The following MAT2B variants were observed in gnomAD, a reference collection of about 807,000 sequenced individuals.
MAT2B encodes methionine adenosyltransferase 2 subunit beta.
MAT2B carries 16 observed loss-of-function variants against 36.1 expected under a neutral mutation model. That is an observed-to-expected ratio of 0.44 (90% confidence interval 0.30 to 0.67). The LOEUF (loss-of-function observed/expected upper bound fraction) is 0.67. Ranked by LOEUF, MAT2B falls within the 30% of genes least tolerant of loss-of-function variation. The pLI, the probability that MAT2B is intolerant of heterozygous loss-of-function variation, is 0.09. For missense variants in MAT2B, 332 were observed against 398.2 expected, an observed-to-expected ratio of 0.83 and a Z score of 1.42; for synonymous variants, 148 against 136.9, an observed-to-expected ratio of 1.08 and a Z score of -0.57.
chr5:163,510,732 A>C (rs927980075), intron 1 of MAT2B, among the ~76,000 whole-genome samples: 3 of 152,160 alleles, frequency 2.0e-5, no homozygotes, highest in Non-Finnish European at 4.4e-5. Flanking sequence ...ATTTTGGGTT[A>C]ACTAAGGAAC....
intron 1 of MAT2B, among the ~76,000 whole-genome samples, chr5:163,508,034 G>T (rs1464746012): frequency 6.6e-6 from 1 of 152,136 alleles, no homozygotes; most frequent in African/African-American, 2.4e-5. Flanking sequence ...ACACCAATTT[G>T]TGGCAGAACA....
chr5:163,516,513 T>C lies in MAT2B; in HGVS notation c.527-5T>C. The stretch of plus-strand genomic sequence containing the variant: ...TTTAAATTATTTGCTTTTATTCTTC[T>C]CTAGGAGCTGCTGTTTTGAGGATTC... On this transcript the variant is annotated splice_region_variant and splice_polypyrimidine_tract_variant and intron_variant, in intron 4 of 6. Transcript: ENST00000321757. 1 of 1,612,892 alleles carries C rather than the reference T, an allele frequency of 6.2e-7. No homozygotes were observed. Among genetic ancestry groups the C allele is most frequent in the Non-Finnish European group, 8.5e-7 (1 of 1,178,874 alleles).
At chr5:163,514,283 T>A (rs1474656482) in intron 4 of MAT2B, among the ~76,000 whole-genome samples, 2 of 152,236 alleles carry the variant, frequency 1.3e-5, no homozygotes, top group Non-Finnish European at 2.9e-5. Flanking sequence ...CAGTATAATT[T>A]CTCTTAGAGT....
rs368385582 is a variant in MAT2B, at chr5:163,516,515, T to C, written c.527-3T>C. ...TAAATTATTTGCTTTTATTCTTCTC[T>C]AGGAGCTGCTGTTTTGAGGATTCCT... is the stretch of plus-strand genomic sequence containing the variant. On this transcript the variant is annotated splice_region_variant and splice_polypyrimidine_tract_variant and intron_variant, in intron 4 of 6. Transcript: ENST00000321757. 3.3e-5 allele frequency: 53 copies of C among 1,613,028 alleles called. No individual in the cohort carries two copies. Among genetic ancestry groups the C allele is most frequent in the Non-Finnish European group, 4.5e-5 (53 of 1,179,104 alleles).
intron 1 of MAT2B, among the ~76,000 whole-genome samples, chr5:163,506,031 G>A (rs1759931656): frequency 6.6e-6 from 1 of 152,174 alleles, no homozygotes; most frequent in Non-Finnish European, 1.5e-5. Context: ...TGAGGACGAA[G>A]AGGTTTTTCA....
chr5:163,513,540 A>G lies in MAT2B; in HGVS notation c.259-15A>G. On this transcript the variant is annotated splice_polypyrimidine_tract_variant and intron_variant, in intron 2 of 6. Coordinates refer to ENST00000321757, the MANE Select transcript of MAT2B (RefSeq NM_013283.5). ...TTTATTTTGAGTTAAAAATACGTCAATGCTTAACTTCTAGCCCCATGTTAT... is the reference window on the plus strand; with the variant it reads ...TTTATTTTGAGTTAAAAATACGTCAGTGCTTAACTTCTAGCCCCATGTTAT... 4 of 1,454,206 alleles carry G rather than the reference A, an allele frequency of 2.8e-6. No homozygotes were observed. The highest frequency in any genetic ancestry group is 3.8e-6 in the Non-Finnish European group (4 of 1,043,890). The allele number at this position is 1,454,206 out of a possible 1,614,324, so 90.1% of individuals were successfully genotyped here. A position where few individuals can be genotyped will look rare whatever the true frequency, so the allele number is the denominator to read the frequency against.
intron 1 of MAT2B, among the ~76,000 whole-genome samples, chr5:163,505,957 T>G (rs1759929665): frequency 1.3e-5 from 2 of 152,186 alleles, no homozygotes; most frequent in Admixed American, 1.3e-4. Flanking sequence ...TGTTTTTTTC[T>G]TCCAGCCACT....
At chr5:163,507,361 G>A (rs932293819) in intron 1 of MAT2B, among the ~76,000 whole-genome samples, 7 of 152,134 alleles carry the variant, frequency 4.6e-5, no homozygotes, top group African/African-American at 1.7e-4. Flanking sequence ...GATTAGATAC[G>A]ATAATAAGAA....
intron 1 of MAT2B, 123 bp downstream of exon 1, chr5:163,505,872 C>A: frequency 1.4e-6 from 1 of 689,876 alleles, no homozygotes. Flanking sequence ...CGGGAGTGGT[C>A]TCACCGCCAC....
At chr5:163,503,336 A>T (rs557882129), upstream of MAT2B, 5 of 1,539,588 alleles carry the variant, frequency 3.2e-6, no homozygotes, top group Admixed American at 8.4e-5. Flanking sequence ...AGACCCAGCA[A>T]GAGAAGGCAG....
rs1336335935 is a variant in MAT2B, at chr5:163,516,727, GA to G, written c.720+17del. ...GAGAATGCTGGTAAGAAGGATTCCT[GA>G]GTCCTGTCTTAGCGAAGGTCCGCTT... On this transcript the variant is annotated intron_variant, in intron 5 of 6. Transcript: ENST00000321757. 3.1e-6 allele frequency: 5 copies of G among 1,613,764 alleles called. No individual in the cohort carries two copies. Among genetic ancestry groups the G allele is most frequent in the Non-Finnish European group, 4.2e-6 (5 of 1,179,804 alleles).
intron 1 of MAT2B, among the ~76,000 whole-genome samples, chr5:163,507,487 G>A (rs1409263986): frequency 2.0e-5 from 3 of 152,150 alleles, no homozygotes; most frequent in African/African-American, 7.2e-5. Flanking sequence ...AGGCAGATAC[G>A]TTTAGAGTAA....
At chr5:163,511,674 CTTTT>C in intron 1 of MAT2B, among the ~76,000 whole-genome samples, 1 of 151,580 alleles carries the variant, frequency 6.6e-6, no homozygotes, top group East Asian at 1.9e-4. Flanking sequence ...GTGTTTTCTG[CTTTT>C]TTTATTTTAA....
chr5:163,516,929 T>G (rs1760142639), intron 5 of MAT2B: 2 of 592,118 alleles, frequency 3.4e-6, no homozygotes, highest in Admixed American at 6.1e-5. Flanking sequence ...GTACTATAGA[T>G]CCCATCATTT....
Position 163,517,684 on chromosome 5 carries a change from T to G in MAT2B, c.834+10T>G. ...CAGTCACTTAAGACCTGTAAGTACA[T>G]GGCTGTAAAAACCTTTAGATCCATT... On this transcript the variant is annotated intron_variant, in intron 6 of 6. Transcript: ENST00000321757. 1 of 1,563,572 alleles carries G rather than the reference T, an allele frequency of 6.4e-7. No homozygotes were observed. The highest frequency in any genetic ancestry group is 8.8e-7 in the Non-Finnish European group (1 of 1,134,130).
At chr5:163,514,088 A>T (rs1760093084) in intron 4 of MAT2B, 94 bp downstream of exon 4, 2 of 989,792 alleles carry the variant, frequency 2.0e-6, no homozygotes, top group African/African-American at 3.4e-5. Flanking sequence ...TAAAAAGTCA[A>T]TGAATATGAA....
In MAT2B at chr5:163,516,541, A is replaced by G. The variant is rs1016721627; in HGVS notation, c.550A>G (p.Ile184Val). Reference protein sequence around the residue: ...NLGAAVLRIPILYGEVEKLEE... With the variant: ...NLGAAVLRIPVLYGEVEKLEE... ...AGGAGCTGCTGTTTTGAGGATTCCT[A>G]TTCTGTATGGGGAAGTTGAAAAGCT... The change falls in exon 5 of 7, where the codon ATT becomes GTT. Residue 184 changes from isoleucine to valine, a missense_variant. Transcript: ENST00000321757. The G allele has an allele frequency of 5.0e-6, 8 of 1,614,176 alleles. No homozygotes were observed. Among genetic ancestry groups the G allele is most frequent in the East Asian group, 4.5e-5 (2 of 44,882 alleles).
chr5:163,505,714 A>C lies in MAT2B; in HGVS notation c.28A>C (p.Ile10Leu). 1 of 1,285,790 alleles carries C rather than the reference A, an allele frequency of 7.8e-7. No individual in the cohort carries two copies. 79.6% of individuals were successfully genotyped at this position (1,285,790 alleles called of 1,614,324 possible). The part of the protein sequence containing the change: MVGREKELS[I>L]HFVPGSCRLV... ...GGTGGGGCGGGAGAAAGAGCTCTCT[A>C]TACACTTTGTTCCCGGGAGCTGTCG... The change falls in exon 1 of 7, where the codon ATA (isoleucine) becomes CTA (leucine). Residue 10 changes from isoleucine (I) to leucine (L), a missense_variant. Coordinates refer to ENST00000321757, the MANE Select transcript of MAT2B (RefSeq NM_013283.5).
chr5:163,511,866 G>C, intron 1 of MAT2B, 136 bp from the exon 2 acceptor site: 1 of 673,650 alleles, frequency 1.5e-6, no homozygotes, highest in South Asian at 2.0e-5. Flanking sequence ...CTTAACTTTA[G>C]AATTGGCTTG....
Sources: allele counts gnomAD v4.1 joint callset (sites outside exome capture counted in the v4.1 genomes callset), GRCh38; gene constraint gnomAD v4.1.1; transcripts MANE v1.5; gene names NCBI Gene and HGNC (gene_info 2026-07-23, HGNC 2026-07-21).